Variants in PABPC4L observed in about 807,000 individuals in gnomAD.
PABPC4L encodes poly(A) binding protein cytoplasmic 4 like, also known as polyadenylate-binding protein 4-like.
For missense variants in PABPC4L, 452 were observed against 451.4 expected (o/e 1.00, Z -0.01); for synonymous variants, 169 against 164.1 (o/e 1.03, Z -0.23).
At chr4:134,013,911 C>T in the PABPC4L span, among the ~76,000 whole-genome samples, 1 of 152,214 alleles carries the variant, frequency 6.6e-6, no homozygotes, top group East Asian at 1.9e-4. Context: ...CTCCTCACAC[C>T]CAGTCAGGCT....
chr4:134,128,602 A>G, the PABPC4L span, among the ~76,000 whole-genome samples: 7 of 152,280 alleles, frequency 4.6e-5, no homozygotes, highest in East Asian at 1.9e-4. Flanking sequence ...AGACAAAAAA[A>G]TGCTGAGGGA....
chr4:133,961,442 C>T, the PABPC4L span, among the ~76,000 whole-genome samples: 1,302 of 152,252 alleles, frequency 8.6e-3, 11 homozygotes, highest in Non-Finnish European at 0.014. Flanking sequence ...CAACTTAGCT[C>T]ACACCAGACC....
chr4:134,181,685 A>C, the PABPC4L span, among the ~76,000 whole-genome samples: 2 of 152,082 alleles, frequency 1.3e-5, no homozygotes, highest in Non-Finnish European at 2.9e-5. Flanking sequence ...TCAGGATACA[A>C]AATCAATATA....
chr4:134,189,082 G>C, the PABPC4L span, among the ~76,000 whole-genome samples: 105,684 of 151,850 alleles, frequency 0.7, 38,102 homozygotes, highest in East Asian at 1. Context: ...TAATAATGAG[G>C]CCATCAAAGG....
At chr4:133,955,281 T>C in the PABPC4L span, among the ~76,000 whole-genome samples, 4 of 151,110 alleles carry the variant, frequency 2.6e-5, no homozygotes, top group Non-Finnish European at 4.4e-5. Flanking sequence ...AAAAAAAAGA[T>C]TTTTTTTTAA....
chr4:133,999,779 G>A, the PABPC4L span, among the ~76,000 whole-genome samples: 28 of 152,042 alleles, frequency 1.8e-4, no homozygotes, highest in African/African-American at 6.5e-4. Flanking sequence ...AGGAGAGAGA[G>A]TTCAATTTTC....
chr4:134,035,229 C>G, the PABPC4L span, among the ~76,000 whole-genome samples: 2 of 152,024 alleles, frequency 1.3e-5, no homozygotes, highest in East Asian at 3.9e-4. Flanking sequence ...ACTTAATAGA[C>G]TACAGTATAA....
chr4:134,107,215 T>G, the PABPC4L span, among the ~76,000 whole-genome samples: 1 of 151,362 alleles, frequency 6.6e-6, no homozygotes, highest in Admixed American at 6.6e-5. Flanking sequence ...AGGGAAATAA[T>G]TTAGAAAAAT....
the PABPC4L span, among the ~76,000 whole-genome samples, chr4:133,983,915 A>G: frequency 6.6e-6 from 1 of 151,892 alleles, no homozygotes; most frequent in Non-Finnish European, 1.5e-5. Flanking sequence ...TATTCTTGAA[A>G]TATTGACTAA....
the PABPC4L span, among the ~76,000 whole-genome samples, chr4:134,101,835 A>G: frequency 2.6e-5 from 4 of 151,662 alleles, no homozygotes; most frequent in African/African-American, 9.6e-5. Context: ...GGCATCTATC[A>G]TAGCTAAAAA....
chr4:134,109,649 A>C, the PABPC4L span, among the ~76,000 whole-genome samples: 9 of 152,164 alleles, frequency 5.9e-5, no homozygotes, highest in South Asian at 1.7e-3. Context: ...TAAAAAAATT[A>C]GGTTTCTTTT....
the PABPC4L span, among the ~76,000 whole-genome samples, chr4:133,993,263 G>A: frequency 6.6e-6 from 1 of 152,170 alleles, no homozygotes; most frequent in Non-Finnish European, 1.5e-5. Flanking sequence ...ATTTTTAAGA[G>A]TAGAATGAAC....
the PABPC4L span, among the ~76,000 whole-genome samples, chr4:133,951,864 AC>A: frequency 2.0e-5 from 3 of 152,082 alleles, no homozygotes; most frequent in Non-Finnish European, 4.4e-5. Context: ...TTAATCCATA[AC>A]CTACAGTAAT....
the PABPC4L span, among the ~76,000 whole-genome samples, chr4:134,155,039 G>C: frequency 6.6e-6 from 1 of 152,140 alleles, no homozygotes; most frequent in African/African-American, 2.4e-5. Context: ...AATGATGCTA[G>C]TGATGTCAGT....
chr4:134,130,636 A>G, the PABPC4L span, among the ~76,000 whole-genome samples: 2,745 of 152,210 alleles, frequency 0.018, 189 homozygotes, highest in East Asian at 0.23. Flanking sequence ...TGACACTATT[A>G]CAAAACATAG....
the PABPC4L span, among the ~76,000 whole-genome samples, chr4:134,152,866 C>T: frequency 6.6e-6 from 1 of 152,110 alleles, no homozygotes. Context: ...CTCAGATTGC[C>T]TCCACTCATG....
the PABPC4L span, among the ~76,000 whole-genome samples, chr4:134,151,701 T>C: frequency 6.6e-6 from 1 of 151,958 alleles, no homozygotes; most frequent in Non-Finnish European, 1.5e-5. Context: ...GAATTAACTA[T>C]TAGTGGGGAC....
the PABPC4L span, among the ~76,000 whole-genome samples, chr4:134,075,384 A>C: frequency 6.6e-6 from 1 of 152,206 alleles, no homozygotes; most frequent in Admixed American, 6.5e-5. Context: ...TAAGATAAAA[A>C]AGTCTTAGTC....
chr4:134,026,005 C>G, the PABPC4L span, among the ~76,000 whole-genome samples: 3 of 152,098 alleles, frequency 2.0e-5, no homozygotes, highest in Non-Finnish European at 4.4e-5. Context: ...CCATGTTTAA[C>G]AGCTTATAAT....
Sources: gnomAD v4.1 joint callset for allele counts (sites outside exome capture counted in the v4.1 genomes callset) on GRCh38, gnomAD v4.1.1 for gene constraint, MANE v1.5 for transcripts, NCBI Gene and HGNC (gene_info 2026-07-23, HGNC 2026-07-21) for gene names.